Variants in GALNTL6 observed in about 807,000 individuals in gnomAD.
The protein encoded by GALNTL6 is polypeptide N-acetylgalactosaminyltransferase like 6, also known as polypeptide N-acetylgalactosaminyltransferase-like 6.
Under a neutral mutation model 73.7 loss-of-function variants are expected in GALNTL6, and 46 were observed. The observed-to-expected ratio is 0.62, with a 90% CI of 0.49 to 0.80. GALNTL6 has a LOEUF of 0.80. GALNTL6 is among the 30% of genes least tolerant of loss of function. The pLI, the probability that GALNTL6 is intolerant of heterozygous loss-of-function variation, is 0.00. For missense variants in GALNTL6, 604 were observed against 755.0 expected (o/e 0.80, Z 2.34); for synonymous variants, 259 against 263.7 (o/e 0.98, Z 0.17).
At chr4:172,372,344 G>A (rs1466386316) in intron 5 of GALNTL6, among the ~76,000 whole-genome samples, 1 of 152,164 alleles carries the variant, frequency 6.6e-6, no homozygotes, top group Non-Finnish European at 1.5e-5. Context: ...CCCTCAAGGA[G>A]TAGCACCTGG....
chr4:171,853,098 C>A (rs963512720), intron 2 of GALNTL6, among the ~76,000 whole-genome samples: 3 of 147,272 alleles, frequency 2.0e-5, no homozygotes. Context: ...CTCCTGACCT[C>A]GTGATCCGCC....
intron 2 of GALNTL6, among the ~76,000 whole-genome samples, chr4:172,044,008 G>A (rs1442120809): frequency 1.3e-5 from 2 of 151,992 alleles, no homozygotes; most frequent in African/African-American, 4.8e-5. Context: ...AGGAAACAGT[G>A]TAAGGAAGGA....
chr4:172,753,944 G>A (rs186737248), intron 5 of GALNTL6, among the ~76,000 whole-genome samples: 135 of 152,236 alleles, frequency 8.9e-4, no homozygotes, highest in Middle Eastern at 3.4e-3. Context: ...GACAGAGATA[G>A]GTATAGGAGA....
intron 5 of GALNTL6, among the ~76,000 whole-genome samples, chr4:172,662,879 A>C (rs1311716877): frequency 6.6e-6 from 1 of 152,228 alleles, no homozygotes; most frequent in Non-Finnish European, 1.5e-5. Context: ...GCTCTTTCAA[A>C]GGAGGTGGTC....
intron 2 of GALNTL6, among the ~76,000 whole-genome samples, chr4:172,118,187 G>T (rs1733038348): frequency 6.6e-6 from 1 of 151,898 alleles, no homozygotes; most frequent in Admixed American, 6.6e-5. Flanking sequence ...AATACATGGG[G>T]CTTTATTTTA....
chr4:171,846,369 C>G (rs1735368044), intron 2 of GALNTL6, among the ~76,000 whole-genome samples: 1 of 152,160 alleles, frequency 6.6e-6, no homozygotes, highest in Non-Finnish European at 1.5e-5. Context: ...TTCTTATCTT[C>G]TCCTTACATA....
chr4:172,102,613 G>T (rs972586940), intron 2 of GALNTL6, among the ~76,000 whole-genome samples: 5 of 152,212 alleles, frequency 3.3e-5, no homozygotes, highest in African/African-American at 9.6e-5. Flanking sequence ...CACCTGAGCT[G>T]CAGACAGAGC....
intron 5 of GALNTL6, among the ~76,000 whole-genome samples, chr4:172,643,117 A>AG (rs397790776): frequency 6.6e-6 from 1 of 151,638 alleles, no homozygotes; most frequent in Non-Finnish European, 1.5e-5. Context: ...TAAAAAAAAA[A>AG]TTACTGCTAA....
intron 5 of GALNTL6, among the ~76,000 whole-genome samples, chr4:172,445,116 C>A (rs1017334603): frequency 6.6e-6 from 1 of 152,284 alleles, no homozygotes; most frequent in African/African-American, 2.4e-5. Flanking sequence ...CCTCAGAGAA[C>A]TTTTTGTCCC....
At chr4:171,889,617 T>C (rs1736704715) in intron 2 of GALNTL6, among the ~76,000 whole-genome samples, 1 of 152,080 alleles carries the variant, frequency 6.6e-6, no homozygotes, top group Admixed American at 6.6e-5. Context: ...TATTCGTATG[T>C]TGCCTTATTT....
At chr4:172,805,893 G>A (rs1288092776) in intron 5 of GALNTL6, among the ~76,000 whole-genome samples, 1 of 152,096 alleles carries the variant, frequency 6.6e-6, no homozygotes, top group Non-Finnish European at 1.5e-5. Context: ...GTTAATGGCT[G>A]TTGGGGCTGG....
At chr4:172,629,221 A>G (rs1739286957) in intron 5 of GALNTL6, among the ~76,000 whole-genome samples, 1 of 152,210 alleles carries the variant, frequency 6.6e-6, no homozygotes, top group Admixed American at 6.5e-5. Context: ...CAAGAGGAAC[A>G]AATTGTTCAG....
intron 2 of GALNTL6, among the ~76,000 whole-genome samples, chr4:171,870,280 C>A (rs1229935692): frequency 1.3e-5 from 2 of 152,130 alleles, no homozygotes; most frequent in African/African-American, 2.4e-5. Context: ...CAGAAAGTAT[C>A]CTTAAGGGAG....
chr4:172,650,468 A>C (rs1033553505), intron 5 of GALNTL6, among the ~76,000 whole-genome samples: 1 of 152,186 alleles, frequency 6.6e-6, no homozygotes, highest in Non-Finnish European at 1.5e-5. Context: ...GTCAGGAAAA[A>C]AATAGAGAAT....
At chr4:172,716,645 C>A (rs188404460) in intron 5 of GALNTL6, among the ~76,000 whole-genome samples, 4 of 152,266 alleles carry the variant, frequency 2.6e-5, no homozygotes, top group Admixed American at 2.0e-4. Context: ...GAACGCTTAA[C>A]CTTCTGTTCT....
At chr4:172,824,396 T>TTG (rs1479364650) in intron 7 of GALNTL6, among the ~76,000 whole-genome samples, 1 of 83,656 alleles carries the variant, frequency 1.2e-5, no homozygotes, top group Non-Finnish European at 2.0e-5. Flanking sequence ...GTGTGTGTGT[T>TTG]TGTGTGTGTG....
At chr4:172,311,532 C>A (rs550780407) in intron 3 of GALNTL6, 82 bp from the exon 4 acceptor site, 2 of 1,186,342 alleles carry the variant, frequency 1.7e-6, no homozygotes, top group Non-Finnish European at 2.3e-6. Flanking sequence ...GGCGATAATA[C>A]ACATTCCAGT....
chr4:172,138,731 C>T (rs902426813), intron 2 of GALNTL6, among the ~76,000 whole-genome samples: 4 of 149,308 alleles, frequency 2.7e-5, no homozygotes, highest in African/African-American at 7.4e-5. Flanking sequence ...GGGTTTCACC[C>T]TGTTAGCCAG....
At chr4:171,875,639 C>T (rs149690785) in intron 2 of GALNTL6, among the ~76,000 whole-genome samples, 135 of 152,084 alleles carry the variant, frequency 8.9e-4, no homozygotes, top group African/African-American at 3.1e-3. Flanking sequence ...TGCCCCGTTT[C>T]CCTTCTTCTC....
Sources: allele counts gnomAD v4.1 joint callset (sites outside exome capture counted in the v4.1 genomes callset), GRCh38; gene constraint gnomAD v4.1.1; transcripts MANE v1.5; gene names NCBI Gene and HGNC (gene_info 2026-07-23, HGNC 2026-07-21).